Variants in RTF1 observed in about 807,000 individuals in gnomAD.
RTF1 encodes the protein RTF1 homolog, Paf1/RNA polymerase II complex component, also known as RNA polymerase-associated protein RTF1 homolog.
Under a neutral mutation model 95.7 loss-of-function variants are expected in RTF1, and 10 were observed. That is an observed-to-expected ratio of 0.10 (90% confidence interval 0.06 to 0.18). RTF1 has a LOEUF of 0.18. Ranked by LOEUF, RTF1 falls within the 10% of genes least tolerant of loss-of-function variation. The probability of loss-of-function intolerance (pLI) is 1.00; values close to 1 mark genes in which losing one functional copy is unlikely to be tolerated. For synonymous variants in RTF1, 305 were observed against 311.8 expected, an observed-to-expected ratio of 0.98 and a Z score of 0.23; for missense variants, 458 against 875.6, an observed-to-expected ratio of 0.52 and a Z score of 6.02.
chr15:41,454,800 G>A (rs1328180381), intron 3 of RTF1, among the ~76,000 whole-genome samples: 2 of 152,126 alleles, frequency 1.3e-5, no homozygotes, highest in African/African-American at 4.8e-5. Context: ...GTGGACATTT[G>A]ATAACTGTTG....
In RTF1 at chr15:41,469,528, C is replaced by CT. The variant is rs751672878; in HGVS notation, c.890-716dup. Among the ~76,000 whole-genome samples the CT allele has an allele frequency of 6.2e-3, 859 of 138,276 alleles. 2 individuals carry two copies. The highest frequency in any genetic ancestry group is 0.032 in the South Asian group (138 of 4,282). The allele number at this position is 138,276 out of a possible 152,430, so 90.7% of individuals were successfully genotyped here. A position where few individuals can be genotyped will look rare whatever the true frequency, so the allele number is the denominator to read the frequency against. ...TGAGTCACCATGCCTGGCCACGTTC[C>CT]TTTTTTTTTTTTTGAGATGGAGTCT... On this transcript the variant is annotated intron_variant, in intron 6 of 17. Transcript: ENST00000389629.
At chr15:41,423,845 C>T (rs1185803584) in intron 1 of RTF1, among the ~76,000 whole-genome samples, 4 of 151,898 alleles carry the variant, frequency 2.6e-5, no homozygotes, top group East Asian at 3.9e-4. Flanking sequence ...CTCCGCTTCC[C>T]GGGTTCAAGC....
In RTF1 at chr15:41,421,494, A is replaced by T. The variant is rs879731725; in HGVS notation, c.198+4181A>T. ...AAAAGAATTTAAAAATTAGCTGGGC[A>T]TGGTGGCGTGCCTCTAGTCTCAGCT... On this transcript the variant is annotated intron_variant, in intron 1 of 17. Transcript: ENST00000389629. Among the ~76,000 whole-genome samples the T allele has an allele frequency of 4.0e-5, 6 of 151,442 alleles. No individual in the cohort carries two copies. In the South Asian group the frequency reaches 6.2e-4, roughly 16 times the overall value.
chr15:41,427,442 C>T lies in RTF1; in HGVS notation c.198+10129C>T, dbSNP rs1372437439. On this transcript the variant is annotated intron_variant, in intron 1 of 17. Transcript: ENST00000389629. ...CTGGGATTACAGGCGTGAGCCACTG[C>T]GCCCGGCCCTACAAAATTTTTAAAA... Among the ~76,000 whole-genome samples, 7 of 152,092 alleles carry T rather than the reference C, an allele frequency of 4.6e-5. No individual in the cohort carries two copies. In the East Asian group the frequency reaches 9.6e-4, roughly 21 times the overall value.
chr15:41,419,355 T>C (rs2050588991), intron 1 of RTF1, among the ~76,000 whole-genome samples: 1 of 152,210 alleles, frequency 6.6e-6, no homozygotes, highest in African/African-American at 2.4e-5. Flanking sequence ...AATTATTTCC[T>C]CTACTTTACA....
At chr15:41,473,996 C>T (rs1195235404) in intron 8 of RTF1, among the ~76,000 whole-genome samples, 1 of 151,926 alleles carries the variant, frequency 6.6e-6, no homozygotes, top group Non-Finnish European at 1.5e-5. Flanking sequence ...AAAATCATGC[C>T]ATTGCACTCC....
At chr15:41,449,794 C>T (rs1415773877) in intron 2 of RTF1, among the ~76,000 whole-genome samples, 1 of 151,844 alleles carries the variant, frequency 6.6e-6, no homozygotes. Context: ...AGTGAGACCT[C>T]ATCATAAAAA....
At chr15:41,442,898 T>C (rs2050742821) in intron 2 of RTF1, among the ~76,000 whole-genome samples, 2 of 151,994 alleles carry the variant, frequency 1.3e-5, no homozygotes, top group African/African-American at 4.8e-5. Flanking sequence ...TAAAAATAAA[T>C]AAATTAAATA....
chr15:41,476,615 A>G lies in RTF1; in HGVS notation c.1560+92A>G, dbSNP rs539183043. ...CCTCTGCCAAGTTAGTGGTGGTAGG[A>G]TTGGGAGAAAATTCTGGGCTCGATT... On this transcript the variant is annotated intron_variant, in intron 12 of 17. Coordinates refer to ENST00000389629, the MANE Select transcript of RTF1 (RefSeq NM_015138.5). The G allele has an allele frequency of 4.3e-5, 52 of 1,204,524 alleles. No homozygotes were observed. The African/African-American group carries it at 6.6e-4, about 15-fold the overall frequency. 74.6% of individuals were successfully genotyped at this position (1,204,524 alleles called of 1,614,324 possible).
At chr15:41,446,756 T>C (rs2050765440) in intron 2 of RTF1, among the ~76,000 whole-genome samples, 1 of 152,086 alleles carries the variant, frequency 6.6e-6, no homozygotes, top group South Asian at 2.1e-4. Flanking sequence ...TCTATCCCAT[T>C]TCTTTAGACC....
rs554457675 is a variant in RTF1 at position 41,445,231 on chromosome 15, G to A, written c.309+6800G>A. Among the ~76,000 whole-genome samples the A allele has an allele frequency of 5.3e-5, 8 of 152,162 alleles. No individual in the cohort carries two copies. In the East Asian group the frequency reaches 5.8e-4, roughly 11 times the overall value. ...ATTACAGGCGTGAGCCACTGCGCCC[G>A]GCCTCATGAGCTTTATGTTTTACAT... On this transcript the variant is annotated intron_variant, in intron 2 of 17. Coordinates refer to ENST00000389629, the MANE Select transcript of RTF1 (RefSeq NM_015138.5).
chr15:41,420,013 G>A (rs2050592298), intron 1 of RTF1, among the ~76,000 whole-genome samples: 1 of 152,038 alleles, frequency 6.6e-6, no homozygotes, highest in Admixed American at 6.6e-5. Flanking sequence ...TGGAGACAGG[G>A]TTTCTCCATG....
chr15:41,420,510 C>A (rs1481740447), intron 1 of RTF1, among the ~76,000 whole-genome samples: 1 of 152,094 alleles, frequency 6.6e-6, no homozygotes, highest in Non-Finnish European at 1.5e-5. Flanking sequence ...GGTTCTGAGT[C>A]TTCACTGGGG....
intron 3 of RTF1, 144 bp downstream of exon 3, chr15:41,453,192 T>C: frequency 1.7e-6 from 1 of 587,024 alleles, no homozygotes; most frequent in Non-Finnish European, 2.7e-6. Context: ...TTTTCCATGG[T>C]CATGGATGCT....
At chr15:41,470,190 C>G (rs953312950) in intron 6 of RTF1, 67 bp from the exon 7 acceptor site, 63 of 1,550,344 alleles carry the variant, frequency 4.1e-5, no homozygotes, top group African/African-American at 3.1e-4. Flanking sequence ...ATTTCCAGTT[C>G]TTTTTCAAGG....
At chr15:41,462,312 G>A (rs1175627445) in intron 4 of RTF1, among the ~76,000 whole-genome samples, 1 of 152,072 alleles carries the variant, frequency 6.6e-6, no homozygotes, top group African/African-American at 2.4e-5. Context: ...CCAGTAGTGA[G>A]ATGTCATTTT....
At position 41,462,630 on chromosome 15, in the gene RTF1, A is replaced by G. The variant is rs144691871; in HGVS notation, c.663-2141A>G. ...TTTTATATGTCCACAGAGTTGTGCA[A>G]TCATCACCACAATTAATTCTAGAGC... On this transcript the variant is annotated intron_variant, in intron 4 of 17. Transcript: ENST00000389629. 2.4e-3 allele frequency among the ~76,000 whole-genome samples: 362 copies of G among 152,316 alleles called. 1 individual carries two copies. Among genetic ancestry groups the G allele is most frequent in the African/African-American group, 8.2e-3 (340 of 41,572 alleles).
At chr15:41,472,635 C>T (rs2050918916) in intron 8 of RTF1, among the ~76,000 whole-genome samples, 1 of 152,102 alleles carries the variant, frequency 6.6e-6, no homozygotes, top group Non-Finnish European at 1.5e-5. Context: ...TCTCATGCCT[C>T]AGCCTCCAAG....
At chr15:41,425,115 A>T (rs28459164) in intron 1 of RTF1, among the ~76,000 whole-genome samples, 28,071 of 151,662 alleles carry the variant, frequency 0.19, 3,352 homozygotes, top group Non-Finnish European at 0.26. Context: ...TTTGTTTTTT[A>T]TTTTTGAGAC....
Sources: allele counts gnomAD v4.1 joint callset (sites outside exome capture counted in the v4.1 genomes callset), GRCh38; gene constraint gnomAD v4.1.1; transcripts MANE v1.5; gene names NCBI Gene and HGNC (gene_info 2026-07-23, HGNC 2026-07-21).